PEPD: variants seen among roughly 807,000 people sequenced by gnomAD.
PEPD encodes the protein peptidase D, also known as xaa-Pro dipeptidase.
Under a neutral mutation model 60.7 loss-of-function variants are expected in PEPD, and 53 were observed. The observed-to-expected ratio is 0.87, with a 90% confidence interval of 0.70 to 1.10. The LOEUF (loss-of-function observed/expected upper bound fraction) is 1.10, where lower values mean the gene tolerates loss of function less well. Ranked by LOEUF, PEPD falls within the 50% of genes least tolerant of loss-of-function variation. PEPD has a pLI of 0.00. For missense variants in PEPD, 711 were observed against 711.9 expected (o/e 1.00, Z 0.01); for synonymous variants, 267 against 284.1 (o/e 0.94, Z 0.60).
intron 9 of PEPD, among the ~76,000 whole-genome samples, chr19:33,457,350 G>A (rs1386836621): frequency 6.6e-6 from 1 of 152,254 alleles, no homozygotes; most frequent in South Asian, 2.1e-4. Flanking sequence ...AGGATCACTT[G>A]AGCCCGGGAG....
At chr19:33,389,756 T>A (rs1402704210) in intron 13 of PEPD, among the ~76,000 whole-genome samples, 1 of 151,968 alleles carries the variant, frequency 6.6e-6, no homozygotes, top group Non-Finnish European at 1.5e-5. Flanking sequence ...ACCACTGAAG[T>A]GGGGTGGGGG....
intron 1 of PEPD, among the ~76,000 whole-genome samples, chr19:33,518,057 C>A (rs1007283211): frequency 2.6e-5 from 4 of 152,200 alleles, no homozygotes; most frequent in African/African-American, 9.6e-5. Context: ...CTCCTCCCCT[C>A]AGCCTCCAGC....
chr19:33,507,709 T>A (rs1307419957), intron 3 of PEPD, among the ~76,000 whole-genome samples: 1 of 152,112 alleles, frequency 6.6e-6, no homozygotes, highest in Admixed American at 6.5e-5. Flanking sequence ...GGTGCCCTAT[T>A]GATTCCAGGA....
intron 9 of PEPD, among the ~76,000 whole-genome samples, chr19:33,460,107 G>C (rs1454140758): frequency 1.3e-5 from 2 of 152,236 alleles, no homozygotes; most frequent in East Asian, 1.9e-4. Flanking sequence ...ACGGGCTTTA[G>C]AAGAGATTTT....
intron 9 of PEPD, among the ~76,000 whole-genome samples, chr19:33,456,968 G>GT (rs1295427312): frequency 6.6e-6 from 1 of 151,428 alleles, no homozygotes; most frequent in Non-Finnish European, 1.5e-5. Flanking sequence ...TGCATGCCCT[G>GT]TGAGGGGCCC....
chr19:33,393,286 C>T (rs979373605), intron 12 of PEPD, among the ~76,000 whole-genome samples: 11 of 144,644 alleles, frequency 7.6e-5, no homozygotes, highest in Middle Eastern at 3.3e-3. Flanking sequence ...TGGGGTCTGG[C>T]GTGGGGGAGA....
At chr19:33,457,955 C>A (rs1969837243) in intron 9 of PEPD, among the ~76,000 whole-genome samples, 1 of 152,248 alleles carries the variant, frequency 6.6e-6, no homozygotes, top group Admixed American at 6.5e-5. Context: ...AACCCCGCCC[C>A]CAGCACCCTC....
intron 6 of PEPD, among the ~76,000 whole-genome samples, chr19:33,489,786 T>C (rs536141271): frequency 8.1e-4 from 123 of 152,268 alleles, no homozygotes; most frequent in Non-Finnish European, 1.4e-3. Flanking sequence ...ACTTTCCTTA[T>C]GGAGCAAACA....
At chr19:33,442,925 C>T (rs1969511986) in intron 9 of PEPD, among the ~76,000 whole-genome samples, 2 of 152,164 alleles carry the variant, frequency 1.3e-5, no homozygotes, top group Admixed American at 1.3e-4. Flanking sequence ...GAACTGTGCT[C>T]CACGGGGGCT....
chr19:33,451,416 C>CT (rs952557847), intron 9 of PEPD, among the ~76,000 whole-genome samples: 4 of 152,076 alleles, frequency 2.6e-5, no homozygotes, highest in African/African-American at 4.8e-5. Context: ...AAATACAGGT[C>CT]TTTTTTTCTT....
intron 12 of PEPD, among the ~76,000 whole-genome samples, chr19:33,398,139 C>T (rs1314530112): frequency 6.6e-6 from 1 of 152,240 alleles, no homozygotes; most frequent in African/African-American, 2.4e-5. Flanking sequence ...AATCCGCCGC[C>T]CTGCTCCCCG....
intron 12 of PEPD, among the ~76,000 whole-genome samples, chr19:33,394,788 CTG>C (rs1478670974): frequency 6.6e-6 from 1 of 152,200 alleles, no homozygotes; most frequent in African/African-American, 2.4e-5. Flanking sequence ...AGATGCCACA[CTG>C]AGAATCACAC....
At chr19:33,432,363 C>T (rs117342963) in intron 9 of PEPD, among the ~76,000 whole-genome samples, 4 of 152,352 alleles carry the variant, frequency 2.6e-5, no homozygotes, top group Non-Finnish European at 5.9e-5. Context: ...GGTTGGAAAA[C>T]AGCCTTGCTT....
chr19:33,436,244 G>A (rs1296190712), intron 9 of PEPD, among the ~76,000 whole-genome samples: 1 of 151,802 alleles, frequency 6.6e-6, no homozygotes, highest in Non-Finnish European at 1.5e-5. Context: ...AGGGAGAGAA[G>A]GAGAGGCGAG....
At chr19:33,408,474 T>C (rs1030982465) in intron 11 of PEPD, among the ~76,000 whole-genome samples, 1 of 152,224 alleles carries the variant, frequency 6.6e-6, no homozygotes, top group Non-Finnish European at 1.5e-5. Flanking sequence ...TGTGTATCCA[T>C]GTGTGTGCGT....
At chr19:33,456,652 C>T (rs989862664) in intron 9 of PEPD, among the ~76,000 whole-genome samples, 2 of 152,126 alleles carry the variant, frequency 1.3e-5, no homozygotes, top group Non-Finnish European at 1.5e-5. Flanking sequence ...GTCTGCTCAG[C>T]GGGTGCAGGG....
chr19:33,479,451 T>A (rs748861916), intron 6 of PEPD, among the ~76,000 whole-genome samples: 5 of 152,096 alleles, frequency 3.3e-5, no homozygotes, highest in Non-Finnish European at 7.4e-5. Flanking sequence ...CATGTGCAGG[T>A]TTCTTACATA....
At chr19:33,405,869 C>T (rs1317465151) in intron 11 of PEPD, among the ~76,000 whole-genome samples, 1 of 152,270 alleles carries the variant, frequency 6.6e-6, no homozygotes, top group Non-Finnish European at 1.5e-5. Context: ...ATGCCGCCAG[C>T]CCATGACAGC....
chr19:33,435,017 A>G (rs1969347424), intron 9 of PEPD, among the ~76,000 whole-genome samples: 1 of 152,134 alleles, frequency 6.6e-6, no homozygotes, highest in African/African-American at 2.4e-5. Context: ...GGGAAAGATC[A>G]AAGTGTGAGC....
Sources: gnomAD v4.1 joint callset for allele counts (sites outside exome capture counted in the v4.1 genomes callset) on GRCh38, gnomAD v4.1.1 for gene constraint, MANE v1.5 for transcripts, NCBI Gene and HGNC (gene_info 2026-07-23, HGNC 2026-07-21) for gene names.